ACO2: variants seen among roughly 807,000 people sequenced by gnomAD.
ACO2 encodes the protein aconitate hydratase, mitochondrial.
A neutral mutation model predicts 84.5 loss-of-function variants in ACO2; 31 were observed. That is an observed-to-expected ratio of 0.37 (90% confidence interval 0.28 to 0.50). The LOEUF is 0.50. Ranked by LOEUF, ACO2 falls within the 20% of genes least tolerant of loss-of-function variation. The probability of loss-of-function intolerance (pLI) is 0.97; values close to 1 mark genes in which losing one functional copy is unlikely to be tolerated. For synonymous variants in ACO2, 414 were observed against 412.7 expected, an observed-to-expected ratio of 1.00 and a Z score of -0.04; for missense variants, 685 against 1,029.3, an observed-to-expected ratio of 0.67 and a Z score of 4.58.
At chr22:41,477,663 C>T (rs1163991335) in intron 1 of ACO2, among the ~76,000 whole-genome samples, 1 of 152,136 alleles carries the variant, frequency 6.6e-6, no homozygotes, top group Non-Finnish European at 1.5e-5. Context: ...TGGGGCAAAT[C>T]CAGTGCAGGG....
Position 41,515,657 on chromosome 22 carries a change from G to C in ACO2, c.685-110G>C. ...AGTTAGACTCGAATCTTCTGGGAGG[G>C]AGGTAGAGACCAATAAGCAGCAATG... On this transcript the variant is annotated intron_variant, in intron 5 of 17. Transcript: ENST00000216254. This position sits in a 1 kb window ranked among gnomAD's most constrained non-coding sequence, Gnocchi z 5.8. 6.3e-7 allele frequency: 1 copy of C among 1,592,038 alleles called. No homozygotes were observed. Among genetic ancestry groups the C allele is most frequent in the Non-Finnish European group, 8.6e-7 (1 of 1,166,394 alleles).
Position 41,479,094 on chromosome 22 carries a change from G to C in ACO2, c.36+9912G>C, listed in dbSNP as rs1219064504. On this transcript the variant is annotated intron_variant, in intron 1 of 17. Coordinates refer to ENST00000216254, the MANE Select transcript of ACO2 (RefSeq NM_001098.3). ...CCCTGTCTGTGGAAGAGCTTTTAGGGTGGTGAGGGAGAAGTCATCTAAATA... is the reference window on the plus strand; with the variant it reads ...CCCTGTCTGTGGAAGAGCTTTTAGGCTGGTGAGGGAGAAGTCATCTAAATA... 3.9e-5 allele frequency among the ~76,000 whole-genome samples: 6 copies of C among 152,284 alleles called. No homozygotes were observed. The East Asian group carries it at 1.2e-3, about 29-fold the overall frequency.
chr22:41,522,366 CAG>C (rs1481398501), intron 9 of ACO2, among the ~76,000 whole-genome samples: 6 of 152,244 alleles, frequency 3.9e-5, no homozygotes, highest in African/African-American at 1.4e-4. Flanking sequence ...ACTGTCTAGA[CAG>C]AAAGTGCGAT....
At chr22:41,488,961 A>G (rs1235996929) in intron 1 of ACO2, among the ~76,000 whole-genome samples, 2 of 152,072 alleles carry the variant, frequency 1.3e-5, no homozygotes, top group Non-Finnish European at 2.9e-5. Context: ...GAGCTCTGGG[A>G]GTGATAGGGC....
Position 41,515,752 on chromosome 22 carries a change from C to A in ACO2, c.685-15C>A. 1.9e-6 allele frequency: 3 copies of A among 1,612,796 alleles called. No individual in the cohort carries two copies. The highest frequency in any genetic ancestry group is 2.5e-6 in the Non-Finnish European group (3 of 1,179,918). On this transcript the variant is annotated splice_polypyrimidine_tract_variant and intron_variant, in intron 5 of 17. Transcript: ENST00000216254. This position sits in a 1 kb window ranked among gnomAD's most constrained non-coding sequence, Gnocchi z 5.8. ...CACACGGCCTCTCACAGCCGCCTCG[C>A]CCCCTCCTGTCCAGGTGATTGGCGT...
chr22:41,524,848 T>A lies in ACO2; in HGVS notation c.1485T>A (p.Ile495=), dbSNP rs1601929466. The A allele has an allele frequency of 1.2e-6, 2 of 1,614,116 alleles. No homozygotes were observed. The highest frequency in any genetic ancestry group is 2.2e-5 in the East Asian group (1 of 44,880). ...ETHAFVTSPE[I]VTALAIAGTL... is the part of the protein sequence containing the mutation. ...CAAACTGGCCACCTCCATTTCAGAT[T>A]GTCACAGCCCTGGCCATTGCGGGAA... Residue 495 remains isoleucine (I), a splice_region_variant and synonymous_variant, in exon 13 of 18, where the codon ATT becomes ATA. Coordinates refer to ENST00000216254, the MANE Select transcript of ACO2 (RefSeq NM_001098.3).
chr22:41,469,314 C>T (rs968047660), intron 1 of ACO2, 132 bp downstream of exon 1: 2 of 1,115,706 alleles, frequency 1.8e-6, no homozygotes, highest in South Asian at 1.7e-5. Context: ...CGGTTGTGGG[C>T]CCGGCACCCG....
chr22:41,490,206 C>T (rs2066261938), intron 1 of ACO2, among the ~76,000 whole-genome samples: 3 of 152,050 alleles, frequency 2.0e-5, no homozygotes, highest in Admixed American at 2.0e-4. Flanking sequence ...GCCTGTAGTC[C>T]CAGCTACTCA....
intron 3 of ACO2, among the ~76,000 whole-genome samples, chr22:41,508,356 G>T (rs1316650120): frequency 2.6e-5 from 4 of 152,210 alleles, no homozygotes; most frequent in Admixed American, 2.6e-4. Flanking sequence ...GGCCATGCAG[G>T]CCTCCCTGTC....
In ACO2 at chr22:41,500,984, G is replaced by A. The variant is rs966675714; in HGVS notation, c.173+1122G>A. ...TTCCCAAAGTGCTGGGATTACAAGT[G>A]TGAGCCACTGTGCCCAGCTGGGACT... On this transcript the variant is annotated intron_variant, in intron 2 of 17. Coordinates refer to ENST00000216254, the MANE Select transcript of ACO2 (RefSeq NM_001098.3). 2.0e-5 allele frequency among the ~76,000 whole-genome samples: 3 copies of A among 151,190 alleles called. No individual in the cohort carries two copies. In the East Asian group the frequency reaches 5.8e-4, roughly 29 times the overall value.
chr22:41,514,379 C>T (rs1482346932), intron 4 of ACO2, among the ~76,000 whole-genome samples: 2 of 152,220 alleles, frequency 1.3e-5, no homozygotes, highest in African/African-American at 4.8e-5. Flanking sequence ...TATTCTGTGC[C>T]TCATGGACAG....
chr22:41,505,353 G>T (rs376941049), intron 2 of ACO2, among the ~76,000 whole-genome samples: 3 of 152,038 alleles, frequency 2.0e-5, no homozygotes, highest in East Asian at 3.8e-4. Flanking sequence ...AAAGGTTGAG[G>T]CTGCAGTGAG....
At chr22:41,527,206 G>A in intron 15 of ACO2, 82 bp from the exon 16 acceptor site, 1 of 1,601,008 alleles carries the variant, frequency 6.2e-7, no homozygotes, top group Non-Finnish European at 8.5e-7. Context: ...GCGCCAGGTG[G>A]GTGAGGCCAG....
At chr22:41,514,856 C>T (rs1403457234) in intron 4 of ACO2, among the ~76,000 whole-genome samples, 1 of 152,216 alleles carries the variant, frequency 6.6e-6, no homozygotes, top group Non-Finnish European at 1.5e-5. Context: ...CGAGGCATCA[C>T]CTATTCTTTG....
chr22:41,473,632 G>T (rs2037972042), intron 1 of ACO2, among the ~76,000 whole-genome samples: 1 of 152,212 alleles, frequency 6.6e-6, no homozygotes, highest in Non-Finnish European at 1.5e-5. Context: ...AGAAAAATAA[G>T]AATATTGTAT....
At chr22:41,518,770 CT>C (rs1180146765) in intron 8 of ACO2, among the ~76,000 whole-genome samples, 198 bp downstream of exon 8, 17 of 139,368 alleles carry the variant, frequency 1.2e-4, no homozygotes, top group Non-Finnish European at 1.4e-4. Context: ...CCCGTCTCTA[CT>C]AAAAAAAAAA....
chr22:41,523,812 A>G lies in ACO2; in HGVS notation c.1371-18A>G. ...ACAAGGCCAGATATCCCTAACCCTG[A>G]TCCCTCTGACCTGGCAGGAAGGACA... On this transcript the variant is annotated intron_variant, in intron 11 of 17. Coordinates refer to ENST00000216254, the MANE Select transcript of ACO2 (RefSeq NM_001098.3). 2 of 1,603,644 alleles carry G rather than the reference A, an allele frequency of 1.2e-6. No homozygotes were observed. The highest frequency in any genetic ancestry group is 1.1e-5 in the South Asian group (1 of 90,810).
At chr22:41,524,787 GT>G (rs1231552505) in intron 12 of ACO2, 58 bp from the exon 13 acceptor site, 56 of 1,612,224 alleles carry the variant, frequency 3.5e-5, no homozygotes, top group Non-Finnish European at 4.2e-5. Context: ...CTTTTGGTAG[GT>G]GCAGGAGACA....
At chr22:41,498,403 AAAC>A (rs1478636648) in intron 1 of ACO2, among the ~76,000 whole-genome samples, 1 of 152,222 alleles carries the variant, frequency 6.6e-6, no homozygotes, top group African/African-American at 2.4e-5. Flanking sequence ...TAAAGGCTTA[AAAC>A]AACAACAAGC....
Sources: allele counts gnomAD v4.1 joint callset (sites outside exome capture counted in the v4.1 genomes callset), GRCh38; gene constraint gnomAD v4.1.1; non-coding constraint Gnocchi (gnomAD v3.1); transcripts MANE v1.5; gene names NCBI Gene and HGNC (gene_info 2026-07-23, HGNC 2026-07-21).